KCNC2: variants seen among roughly 807,000 people sequenced by gnomAD.
KCNC2 encodes voltage-gated potassium channel KCNC2.
In KCNC2, 21 loss-of-function variants were observed where a neutral mutation model predicts 44.5. The ratio of observed to expected loss-of-function variants is 0.47; its 90% CI spans 0.33 to 0.68. The LOEUF is 0.68. Ranked by LOEUF, KCNC2 falls within the 30% of genes least tolerant of loss-of-function variation. The pLI, the probability that KCNC2 is intolerant of heterozygous loss-of-function variation, is 0.01. For missense variants in KCNC2, 589 were observed against 826.2 expected (o/e 0.71, Z 3.52); for synonymous variants, 391 against 339.1 (o/e 1.15, Z -1.68).
chr12:75,175,662 T>A (rs1229560978), intron 2 of KCNC2, among the ~76,000 whole-genome samples: 1 of 152,016 alleles, frequency 6.6e-6, no homozygotes, highest in African/African-American at 2.4e-5. Flanking sequence ...GAAACAGTAG[T>A]CTCTGAAGAG....
chr12:75,063,351 T>C (rs1326071720), intron 2 of KCNC2, among the ~76,000 whole-genome samples: 1 of 152,086 alleles, frequency 6.6e-6, no homozygotes, highest in Non-Finnish European at 1.5e-5. Context: ...ACTCAACATA[T>C]GATTCAATGA....
At chr12:75,190,800 G>A (rs1241404697) in intron 2 of KCNC2, among the ~76,000 whole-genome samples, 2 of 151,830 alleles carry the variant, frequency 1.3e-5, no homozygotes, top group African/African-American at 4.8e-5. Flanking sequence ...AATTAAACAG[G>A]TATAAATATG....
intron 2 of KCNC2, among the ~76,000 whole-genome samples, chr12:75,187,007 C>G (rs1292701532): frequency 6.6e-6 from 1 of 152,110 alleles, no homozygotes; most frequent in African/African-American, 2.4e-5. Flanking sequence ...TTTAAAAATA[C>G]ACATACCAAA....
rs1228701606 is a variant in KCNC2, at chr12:75,048,176, G to A, written c.1757C>T (p.Ala586Val). The A allele has an allele frequency of 6.2e-7, 1 of 1,612,856 alleles. No individual in the cohort carries two copies. Among genetic ancestry groups the A allele is most frequent in the Non-Finnish European group, 8.5e-7 (1 of 1,179,250 alleles). ...FLLTTGDYTC[A>V]SDGGIRKGYE... ...ACCTTTCCTGATCCCTCCATCAGAA[G>A]CACACGTGTAATCACCTGTCGTCAG... Residue 586 changes from alanine to valine, a missense_variant, in exon 4 of 5, where the codon GCT becomes GTT. This residue lies in a region of KCNC2 where 171 missense variants were observed against 182.4 expected (regional missense o/e 0.94). Coordinates refer to ENST00000549446, the MANE Select transcript of KCNC2 (RefSeq NM_139137.4).
intron 2 of KCNC2, among the ~76,000 whole-genome samples, chr12:75,196,034 C>T (rs749168562): frequency 2.0e-5 from 3 of 152,076 alleles, no homozygotes; most frequent in Non-Finnish European, 2.9e-5. Context: ...AAATCTATCT[C>T]CTCTTCATCC....
At chr12:75,169,366 T>C (rs1169767537) in intron 2 of KCNC2, among the ~76,000 whole-genome samples, 2 of 151,606 alleles carry the variant, frequency 1.3e-5, no homozygotes, top group African/African-American at 4.8e-5. Context: ...AATGAAATAG[T>C]ACAAGTTACT....
intron 2 of KCNC2, among the ~76,000 whole-genome samples, chr12:75,140,854 G>T (rs1244103355): frequency 6.7e-6 from 1 of 148,842 alleles, no homozygotes; most frequent in Non-Finnish European, 1.5e-5. Context: ...ATTTCCTCCA[G>T]AACACCATTT....
At chr12:75,186,114 TAAAGA>T (rs1892931141) in intron 2 of KCNC2, among the ~76,000 whole-genome samples, 2 of 151,574 alleles carry the variant, frequency 1.3e-5, no homozygotes, top group East Asian at 3.9e-4. Context: ...TGTAATTAAA[TAAAGA>T]AAATAGAGGT....
chr12:75,178,070 T>C lies in KCNC2; in HGVS notation c.687+29227A>G, dbSNP rs79496265. 2.6e-3 allele frequency among the ~76,000 whole-genome samples: 396 copies of C among 152,140 alleles called. 4 individuals carry two copies. The highest frequency in any genetic ancestry group is 0.01 in the Middle Eastern group (3 of 294). On this transcript the variant is annotated intron_variant, in intron 2 of 4. Coordinates refer to ENST00000549446, the MANE Select transcript of KCNC2 (RefSeq NM_139137.4). ...GAATATGGAATGGCCAGTGAGAATA[T>C]TGGTTAATCCTCTCAACTTGCACAT...
chr12:75,195,966 A>G (rs970371040), intron 2 of KCNC2, among the ~76,000 whole-genome samples: 3 of 152,260 alleles, frequency 2.0e-5, no homozygotes, highest in East Asian at 1.9e-4. Context: ...CAAACAGGAC[A>G]AACAGTCCAT....
At chr12:75,069,305 T>C (rs890196461) in intron 2 of KCNC2, among the ~76,000 whole-genome samples, 1 of 151,864 alleles carries the variant, frequency 6.6e-6, no homozygotes, top group Non-Finnish European at 1.5e-5. Context: ...CAGCTAATTT[T>C]GTATTTTTTT....
At position 75,207,216 on chromosome 12, in the gene KCNC2, C is replaced by T. The variant is rs2031757390; in HGVS notation, c.687+81G>A. 1 of 1,489,428 alleles carries T rather than the reference C, an allele frequency of 6.7e-7. No homozygotes were observed. Among genetic ancestry groups the T allele is most frequent in the African/African-American group, 1.4e-5 (1 of 69,794 alleles). 92.3% of individuals were successfully genotyped at this position (1,489,428 alleles called of 1,614,324 possible). A position where few individuals can be genotyped will look rare whatever the true frequency, so the allele number is the denominator to read the frequency against. The stretch of plus-strand genomic sequence containing the variant: ...TCTTCTACCCCCCATGCCTGAGGCC[C>T]TGGGGTGGAAAAGAACAGAAAGTTG... On this transcript the variant is annotated intron_variant, in intron 2 of 4. Transcript: ENST00000549446. This position sits in a 1 kb window ranked among gnomAD's most constrained non-coding sequence, Gnocchi z 4.1.
chr12:75,205,136 T>A (rs1593096249), intron 2 of KCNC2, among the ~76,000 whole-genome samples: 1 of 152,106 alleles, frequency 6.6e-6, no homozygotes. Flanking sequence ...CACAATCCAG[T>A]CCAGTTATAA....
chr12:75,070,659 C>G (rs1305028710), intron 2 of KCNC2, among the ~76,000 whole-genome samples: 1 of 151,764 alleles, frequency 6.6e-6, no homozygotes, highest in African/African-American at 2.4e-5. Flanking sequence ...AATACATTTA[C>G]TACAAAATGA....
Position 75,207,318 on chromosome 12 carries a change from G to T in KCNC2, c.666C>A (p.Pro222=). ...QPRMWALFED[P]YSSRAARFIA... ...TTACCCTGGCGGCTCTGGACGAGTA[G>T]GGGTCTTCGAAGAGGGCCCACATGC... Residue 222 remains proline, a synonymous_variant, in exon 2 of 5, where the codon CCC becomes CCA. Coordinates refer to ENST00000549446, the MANE Select transcript of KCNC2 (RefSeq NM_139137.4). This position sits in a 1 kb window ranked among gnomAD's most constrained non-coding sequence, Gnocchi z 4.1. 1 of 1,560,746 alleles carries T rather than the reference G, an allele frequency of 6.4e-7. No individual in the cohort carries two copies. The highest frequency in any genetic ancestry group is 2.0e-5 in the Admixed American group (1 of 49,940).
rs549970738 is a variant in KCNC2 at position 75,189,350 on chromosome 12, G to T, written c.687+17947C>A. The stretch of plus-strand genomic sequence containing the variant: ...AGGACAAGGGGTACTCCTGTGCATT[G>T]TTCCTTATCATCTGACAACCATTTC... On this transcript the variant is annotated intron_variant, in intron 2 of 4. Coordinates refer to ENST00000549446, the MANE Select transcript of KCNC2 (RefSeq NM_139137.4). Among the ~76,000 whole-genome samples the T allele has an allele frequency of 1.6e-4, 25 of 152,286 alleles. No individual in the cohort carries two copies. In the South Asian group the frequency reaches 3.3e-3, roughly 20 times the overall value.
chr12:75,091,425 A>G (rs1466680793), intron 2 of KCNC2, among the ~76,000 whole-genome samples: 2 of 151,740 alleles, frequency 1.3e-5, no homozygotes, highest in South Asian at 4.1e-4. Flanking sequence ...ATGAGCCTGT[A>G]CTGGCAAGTC....
intron 2 of KCNC2, among the ~76,000 whole-genome samples, chr12:75,051,571 GA>G (rs891092298): frequency 5.9e-5 from 9 of 152,050 alleles, no homozygotes; most frequent in African/African-American, 1.7e-4. Context: ...AATTTATTGA[GA>G]TTTTTTTGTG....
intron 2 of KCNC2, among the ~76,000 whole-genome samples, chr12:75,153,898 G>A (rs900591114): frequency 2.0e-5 from 3 of 151,850 alleles, no homozygotes; most frequent in Admixed American, 2.0e-4. Context: ...GAAGACAAGA[G>A]GTTGGTCTTG....
Sources: gnomAD v4.1 joint callset for allele counts (sites outside exome capture counted in the v4.1 genomes callset) on GRCh38, gnomAD v4.1.1 for gene constraint, gnomAD v4.1.1 regional missense constraint, Gnocchi (gnomAD v3.1) non-coding constraint, MANE v1.5 for transcripts, NCBI Gene and HGNC (gene_info 2026-07-23, HGNC 2026-07-21) for gene names.